DMD: variants seen among roughly 807,000 people sequenced by gnomAD.
DMD encodes the protein mutant dystrophin.
In DMD, 63 loss-of-function variants were observed where a neutral mutation model predicts 330.1. That is an observed-to-expected ratio of 0.19 (90% confidence interval 0.16 to 0.24). The LOEUF is 0.24. Among genes scored for constraint, DMD ranks in the 10% least tolerant of loss-of-function variants. DMD has a pLI of 1.00. For synonymous variants in DMD, 1,223 were observed against 959.8 expected (o/e 1.27, Z -5.07); for missense variants, 3,344 against 2,684.1 (o/e 1.25, Z -5.43).
At chrX:32,435,562 A>G (rs1159876523) in intron 29 of DMD, among the ~76,000 whole-genome samples, 1 of 110,281 alleles carries the variant, frequency 9.1e-6, no homozygotes, top group African/African-American at 3.3e-5. Flanking sequence ...GGGATTTGCC[A>G]GTTATCAATT....
chrX:32,558,332 C>T (rs956896122), intron 16 of DMD, among the ~76,000 whole-genome samples: 2 of 112,019 alleles, frequency 1.8e-5, no homozygotes, highest in East Asian at 5.6e-4. Flanking sequence ...TACCATCTAA[C>T]ACTGAAGTAA....
intron 44 of DMD, among the ~76,000 whole-genome samples, chrX:31,990,109 T>C (rs1235598038): frequency 2.7e-5 from 3 of 112,744 alleles, no homozygotes; most frequent in East Asian, 5.6e-4. Context: ...TTAGAAGACA[T>C]GTACAAAAAT....
intron 44 of DMD, among the ~76,000 whole-genome samples, chrX:32,182,298 C>A (rs2096929818): frequency 8.9e-6 from 1 of 112,217 alleles, no homozygotes; most frequent in Non-Finnish European, 1.9e-5. Flanking sequence ...TTATTTAACA[C>A]CAGATTTTAT....
chrX:33,058,384 A>C (rs990949213), intron 1 of DMD, among the ~76,000 whole-genome samples: 24 of 111,277 alleles, frequency 2.2e-4, no homozygotes, highest in African/African-American at 7.2e-4. Context: ...TCCTGGGCTC[A>C]AGCCATTCTC....
chrX:32,269,546 C>T (rs945561698), intron 43 of DMD, among the ~76,000 whole-genome samples: 2 of 111,105 alleles, frequency 1.8e-5, no homozygotes, highest in African/African-American at 3.3e-5. Context: ...GCTGAAGACC[C>T]GTATGGATTC....
intron 27 of DMD, among the ~76,000 whole-genome samples, chrX:32,442,586 T>G (rs1159683283): frequency 1.8e-5 from 2 of 110,619 alleles, no homozygotes; most frequent in Admixed American, 9.6e-5. Context: ...GAAAACAATT[T>G]GTTATTCTCA....
chrX:32,235,358 G>A (rs887323165), intron 43 of DMD, among the ~76,000 whole-genome samples: 1 of 110,798 alleles, frequency 9.0e-6, no homozygotes, highest in East Asian at 2.9e-4. Flanking sequence ...GTGGAGCTCA[G>A]GCAGAAATGG....
intron 2 of DMD, among the ~76,000 whole-genome samples, chrX:32,862,103 C>G (rs181948031): frequency 7.0e-4 from 78 of 111,309 alleles, no homozygotes; most frequent in Non-Finnish European, 1.2e-3. Flanking sequence ...TATTCCTTAG[C>G]GTCAAATACT....
intron 44 of DMD, among the ~76,000 whole-genome samples, chrX:32,115,412 G>A (rs944099195): frequency 1.9e-4 from 21 of 110,508 alleles, no homozygotes; most frequent in African/African-American, 5.9e-4. Flanking sequence ...ATTTTTGCGC[G>A]CGTGTGTGTG....
chrX:32,967,062 C>A (rs1053471442), intron 2 of DMD, among the ~76,000 whole-genome samples: 1 of 111,660 alleles, frequency 9.0e-6, no homozygotes, highest in African/African-American at 3.3e-5. Flanking sequence ...ATGTACTGAA[C>A]AAAGCACTCC....
At chrX:32,554,181 G>T (rs1053404902) in intron 16 of DMD, among the ~76,000 whole-genome samples, 2 of 111,795 alleles carry the variant, frequency 1.8e-5, no homozygotes, top group Non-Finnish European at 3.8e-5. Context: ...ACATCAAATA[G>T]CTAGAAAGAT....
chrX:32,074,233 T>A (rs894072960), intron 44 of DMD, among the ~76,000 whole-genome samples: 1 of 111,664 alleles, frequency 9.0e-6, no homozygotes, highest in Admixed American at 9.5e-5. Context: ...TTAGGACCAA[T>A]GAAAAGGAGA....
intron 2 of DMD, among the ~76,000 whole-genome samples, chrX:32,875,034 T>TAAATC (rs2083274855): frequency 8.9e-6 from 1 of 112,239 alleles, no homozygotes; most frequent in East Asian, 2.8e-4. Flanking sequence ...GAATTCCTGA[T>TAAATC]TCACAAAATC....
chrX:32,624,859 C>T (rs1384692416), intron 11 of DMD, among the ~76,000 whole-genome samples: 1 of 112,269 alleles, frequency 8.9e-6, no homozygotes, highest in African/African-American at 3.2e-5. Flanking sequence ...GCCAGCTTTG[C>T]TTTACAGAAA....
chrX:32,717,049 G>A (rs2065806882), intron 7 of DMD, among the ~76,000 whole-genome samples: 1 of 110,894 alleles, frequency 9.0e-6, no homozygotes, highest in East Asian at 2.8e-4. Flanking sequence ...TAAAAGTTTA[G>A]AAAATTTGCA....
intron 2 of DMD, among the ~76,000 whole-genome samples, chrX:32,916,532 G>T (rs2087822435): frequency 1.8e-5 from 2 of 111,415 alleles, no homozygotes; most frequent in South Asian, 7.5e-4. Flanking sequence ...TACCATAAAT[G>T]AGTAAGAACA....
At chrX:32,783,224 GTATACGTATATACACATATGTGTA>G (rs1177078076) in intron 7 of DMD, among the ~76,000 whole-genome samples, 59 of 94,039 alleles carry the variant, frequency 6.3e-4, no homozygotes, top group Admixed American at 2.3e-3. Context: ...GTATATACGT[GTATACGTATATACACATATGTGTA>G]TATACGTATA....
chrX:32,562,086 CAAGTAT>C (rs1192530867), intron 16 of DMD, among the ~76,000 whole-genome samples: 1 of 111,820 alleles, frequency 8.9e-6, no homozygotes, highest in African/African-American at 3.2e-5. Context: ...GCACAAATTA[CAAGTAT>C]GTTTATAAAA....
chrX:32,583,004 A>G (rs2053825181), intron 13 of DMD, among the ~76,000 whole-genome samples: 1 of 111,442 alleles, frequency 9.0e-6, no homozygotes, highest in Admixed American at 9.5e-5. Context: ...AGATTGCCTA[A>G]TCACCATCCT....
Sources: allele counts gnomAD v4.1 joint callset (sites outside exome capture counted in the v4.1 genomes callset), GRCh38; gene constraint gnomAD v4.1.1; transcripts MANE v1.5; gene names NCBI Gene and HGNC (gene_info 2026-07-23, HGNC 2026-07-21).